Variants in CSMD1 observed in about 807,000 individuals in gnomAD.
CSMD1 encodes CUB and Sushi multiple domains 1.
CSMD1 carries 213 observed loss-of-function variants against 417.5 expected under a neutral mutation model. That is an observed-to-expected ratio of 0.51 (90% CI 0.46 to 0.57). The LOEUF (loss-of-function observed/expected upper bound fraction) is 0.57. CSMD1 is among the 20% of genes least tolerant of loss of function. The pLI, the probability that CSMD1 is intolerant of heterozygous loss-of-function variation, is 0.00. For synonymous variants in CSMD1, 2,862 were observed against 1,736.8 expected (o/e 1.65, Z -16.11); for missense variants, 6,923 against 4,529.7 (o/e 1.53, Z -15.17).
chr8:3,196,774 C>T (rs1867508), intron 33 of CSMD1, among the ~76,000 whole-genome samples: 99,776 of 151,982 alleles, frequency 0.66, 34,108 homozygotes, highest in Non-Finnish European at 0.76. Flanking sequence ...CTCCATACTG[C>T]TCCTTCCATC....
intron 3 of CSMD1, among the ~76,000 whole-genome samples, chr8:4,287,617 A>G (rs1307401881): frequency 6.6e-6 from 1 of 151,724 alleles, no homozygotes; most frequent in East Asian, 1.9e-4. Context: ...TACTTTACAT[A>G]ACCTTAATTA....
At chr8:4,012,495 C>G (rs764841002) in intron 4 of CSMD1, among the ~76,000 whole-genome samples, 1 of 152,024 alleles carries the variant, frequency 6.6e-6, no homozygotes, top group Non-Finnish European at 1.5e-5. Context: ...TCTTGTGTTT[C>G]GAGGTGTGGT....
chr8:3,503,798 C>A (rs1285049559), intron 10 of CSMD1, among the ~76,000 whole-genome samples: 2 of 151,930 alleles, frequency 1.3e-5, no homozygotes, highest in African/African-American at 2.4e-5. Context: ...CAGCCCCCCT[C>A]TTTCCTTGCC....
At chr8:4,300,839 C>G (rs1585188176) in intron 3 of CSMD1, among the ~76,000 whole-genome samples, 1 of 152,278 alleles carries the variant, frequency 6.6e-6, no homozygotes, top group African/African-American at 2.4e-5. Flanking sequence ...CCAGTTTCAT[C>G]CATGTCCCTA....
chr8:3,040,413 T>TATA (rs1554496473), intron 50 of CSMD1, among the ~76,000 whole-genome samples: 1 of 139,800 alleles, frequency 7.2e-6, no homozygotes, highest in Non-Finnish European at 1.5e-5. Context: ...TATATATATA[T>TATA]AACAGAAATA....
rs1041897932 is a variant in CSMD1, at chr8:3,214,749, T to C, written c.4673-58A>G. 2.8e-6 allele frequency: 4 copies of C among 1,407,092 alleles called. No homozygotes were observed. In the African/African-American group the frequency reaches 4.3e-5, roughly 15 times the overall value. The allele number at this position is 1,407,092 out of a possible 1,614,324, so 87.2% of individuals were successfully genotyped here. On this transcript the variant is annotated intron_variant, in intron 29 of 69. Transcript: ENST00000635120. ...GCAGGGATCTTATTCTTGTTTGTGT[T>C]TTTGTTTGTTGGGTTGGTTCTTTAA...
chr8:3,055,719 G>A (rs1052622227), intron 49 of CSMD1, among the ~76,000 whole-genome samples: 2 of 152,140 alleles, frequency 1.3e-5, no homozygotes, highest in Admixed American at 6.5e-5. Context: ...GTTGTACTAA[G>A]GTATTATTAT....
intron 1 of CSMD1, among the ~76,000 whole-genome samples, chr8:4,869,241 G>A (rs759986855): frequency 1.3e-5 from 2 of 151,908 alleles, no homozygotes; most frequent in Admixed American, 6.6e-5. Context: ...CATCTGTGTG[G>A]CTATGAACGT....
chr8:4,044,642 C>G (rs927471914), intron 3 of CSMD1, among the ~76,000 whole-genome samples: 1 of 152,204 alleles, frequency 6.6e-6, no homozygotes, highest in Non-Finnish European at 1.5e-5. Context: ...ATAGCGCACC[C>G]TGTACGTGTA....
intron 1 of CSMD1, among the ~76,000 whole-genome samples, chr8:4,672,111 G>C (rs964514329): frequency 6.6e-6 from 1 of 152,154 alleles, no homozygotes; most frequent in African/African-American, 2.4e-5. Flanking sequence ...GACAGGACCT[G>C]GTCACTGATC....
chr8:3,649,485 T>A (rs568669588), intron 7 of CSMD1, among the ~76,000 whole-genome samples: 1 of 152,242 alleles, frequency 6.6e-6, no homozygotes, highest in South Asian at 2.1e-4. Context: ...TGGGGAGGCC[T>A]CAGGAAATTT....
Position 4,146,913 on chromosome 8 carries a change from G to C in CSMD1, c.416-114814C>G, listed in dbSNP as rs370717889. Among the ~76,000 whole-genome samples, 69 of 151,788 alleles carry C rather than the reference G, an allele frequency of 4.5e-4. 8 individuals are homozygous for C. Among genetic ancestry groups the C allele is most frequent in the African/African-American group, 1.6e-3 (67 of 41,230 alleles). On this transcript the variant is annotated intron_variant, in intron 3 of 69. Coordinates refer to ENST00000635120, the MANE Select transcript of CSMD1 (RefSeq NM_033225.6). Reference sequence around the variant, plus strand: ...CATGTGTGAGCCACCGCACCGGCCAGACACACTGAACTTTAAGGAAGTCAA... The same window carrying C: ...CATGTGTGAGCCACCGCACCGGCCACACACACTGAACTTTAAGGAAGTCAA...
intron 8 of CSMD1, among the ~76,000 whole-genome samples, chr8:3,603,236 G>T (rs1377505577): frequency 6.6e-6 from 1 of 152,132 alleles, no homozygotes; most frequent in Admixed American, 6.5e-5. Context: ...TTCCTACTCT[G>T]CTTCAGTTTC....
In CSMD1 at chr8:3,944,852, C is replaced by T. The variant is rs118025466; in HGVS notation, c.818+53051G>A. On this transcript the variant is annotated intron_variant, in intron 5 of 69. Transcript: ENST00000635120. ...AATTAGAGCTAGTTCTATGAGTTGG[C>T]CACAGCTCTGACAGTTGATTCTGGG... is the stretch of plus-strand genomic sequence containing the variant. Among the ~76,000 whole-genome samples the T allele has an allele frequency of 6.0e-4, 92 of 152,290 alleles. 1 individual carries two copies. The East Asian group carries it at 0.014, about 23-fold the overall frequency.
At chr8:3,808,739 A>G (rs997092998) in intron 5 of CSMD1, among the ~76,000 whole-genome samples, 1 of 152,150 alleles carries the variant, frequency 6.6e-6, no homozygotes, top group Non-Finnish European at 1.5e-5. Context: ...TCTCTTTCCT[A>G]GCATAGCCTT....
intron 12 of CSMD1, among the ~76,000 whole-genome samples, chr8:3,442,631 G>A (rs1200978626): frequency 6.6e-6 from 1 of 152,102 alleles, no homozygotes. Context: ...GTTTGTGTAA[G>A]TGCACTCCAC....
chr8:4,669,240 T>G (rs1393538579), intron 1 of CSMD1, among the ~76,000 whole-genome samples: 1 of 152,192 alleles, frequency 6.6e-6, no homozygotes, highest in Non-Finnish European at 1.5e-5. Flanking sequence ...AGATGGGGGC[T>G]AGACATATTT....
intron 50 of CSMD1, among the ~76,000 whole-genome samples, chr8:3,046,960 G>A (rs1411115162): frequency 4.6e-5 from 7 of 152,230 alleles, no homozygotes; most frequent in African/African-American, 1.4e-4. Context: ...GGCTGATGCC[G>A]GCACTTTGGG....
intron 5 of CSMD1, among the ~76,000 whole-genome samples, chr8:3,912,220 A>C (rs1158575729): frequency 1.3e-5 from 2 of 152,214 alleles, no homozygotes; most frequent in African/African-American, 4.8e-5. Flanking sequence ...CTGATTCGAC[A>C]TACTTCTATA....
Sources: allele counts gnomAD v4.1 joint callset (sites outside exome capture counted in the v4.1 genomes callset), GRCh38; gene constraint gnomAD v4.1.1; transcripts MANE v1.5; gene names NCBI Gene and HGNC (gene_info 2026-07-23, HGNC 2026-07-21).